The following ARMC9 variants were observed in gnomAD, a reference collection of about 807,000 sequenced individuals.
ARMC9 encodes lisH domain-containing protein ARMC9.
A neutral mutation model predicts 107.0 loss-of-function variants in ARMC9; 94 were observed. That is an observed-to-expected ratio of 0.88 (90% CI 0.74 to 1.04). ARMC9 has a LOEUF of 1.04. Among genes scored for constraint, ARMC9 ranks in the 50% least tolerant of loss-of-function variants. The pLI, the probability that ARMC9 is intolerant of heterozygous loss-of-function variation, is 0.00. For synonymous variants in ARMC9, 380 were observed against 396.9 expected, an observed-to-expected ratio of 0.96 and a Z score of 0.51; for missense variants, 942 against 1,030.1, an observed-to-expected ratio of 0.91 and a Z score of 1.17.
chr2:231,275,367 C>T (rs1202887957), intron 14 of ARMC9, among the ~76,000 whole-genome samples: 1 of 152,180 alleles, frequency 6.6e-6, no homozygotes, highest in Non-Finnish European at 1.5e-5. Flanking sequence ...TCTACTAATC[C>T]AGATGGCATC....
At chr2:231,271,599 T>C (rs1293358247) in intron 13 of ARMC9, among the ~76,000 whole-genome samples, 1 of 152,224 alleles carries the variant, frequency 6.6e-6, no homozygotes, top group African/African-American at 2.4e-5. Context: ...TTCTTATTTA[T>C]TTGAGCTCTT....
chr2:231,306,491 C>T (rs1008908630), intron 19 of ARMC9, among the ~76,000 whole-genome samples: 2 of 152,056 alleles, frequency 1.3e-5, no homozygotes, highest in African/African-American at 4.8e-5. Context: ...CGATACTTTT[C>T]TTAGAATTTG....
At chr2:231,215,239 GT>G (rs1559298385) in intron 4 of ARMC9, 1 of 436,914 alleles carries the variant, frequency 2.3e-6, no homozygotes, top group Non-Finnish European at 3.9e-6. Flanking sequence ...AATACCTCAA[GT>G]TTTTGAAACC....
At chr2:231,371,377 G>C in intron 24 of ARMC9, 136 bp from the exon 25 acceptor site, 1 of 1,080,002 alleles carries the variant, frequency 9.3e-7, no homozygotes, top group South Asian at 1.9e-5. Flanking sequence ...TCGAGCCCAG[G>C]CCACAGAACA....
intron 21 of ARMC9, 31 bp downstream of exon 21, chr2:231,345,121 A>G: frequency 6.2e-7 from 1 of 1,607,500 alleles, no homozygotes; most frequent in South Asian, 1.1e-5. Flanking sequence ...GCGGGAATTG[A>G]CTTTCTTAAG....
intron 5 of ARMC9, among the ~76,000 whole-genome samples, chr2:231,217,647 C>A (rs976690293): frequency 7.2e-5 from 11 of 152,008 alleles, no homozygotes; most frequent in Non-Finnish European, 1.5e-4. Context: ...CATTATCACA[C>A]ACAGAATTGA....
chr2:231,330,564 G>A (rs555427059), intron 19 of ARMC9, among the ~76,000 whole-genome samples: 71 of 152,250 alleles, frequency 4.7e-4, no homozygotes, highest in South Asian at 1.9e-3. Context: ...TGGGGTGGGG[G>A]CCTCCTTACC....
chr2:231,261,269 G>A (rs552360236), intron 11 of ARMC9, among the ~76,000 whole-genome samples: 7 of 152,226 alleles, frequency 4.6e-5, no homozygotes, highest in African/African-American at 9.6e-5. Flanking sequence ...ATGTGCACAC[G>A]CACATACCCG....
At chr2:231,273,673 C>A (rs544713908) in intron 14 of ARMC9, among the ~76,000 whole-genome samples, 3 of 152,282 alleles carry the variant, frequency 2.0e-5, no homozygotes, top group South Asian at 2.1e-4. Flanking sequence ...CCTCAGCCCC[C>A]CAAAGTGCTG....
chr2:231,347,895 G>A (rs956159107), intron 21 of ARMC9, among the ~76,000 whole-genome samples: 23 of 152,260 alleles, frequency 1.5e-4, no homozygotes, highest in Admixed American at 1.5e-3. Context: ...TTATTTTTCT[G>A]TAAGCATTTA....
At chr2:231,341,540 A>G (rs2044499799) in intron 20 of ARMC9, among the ~76,000 whole-genome samples, 1 of 151,812 alleles carries the variant, frequency 6.6e-6, no homozygotes, top group African/African-American at 2.4e-5. Flanking sequence ...CAGGAAGGAG[A>G]GGGTGAATAT....
At chr2:231,237,175 CGTGTGT>C (rs58607252) in intron 8 of ARMC9, among the ~76,000 whole-genome samples, 119 of 148,802 alleles carry the variant, frequency 8.0e-4, no homozygotes, top group Admixed American at 2.6e-3. Context: ...TCTGCGTATG[CGTGTGT>C]GTGTGTGTGT....
At chr2:231,336,983 G>T (rs369503512) in intron 20 of ARMC9, among the ~76,000 whole-genome samples, 1 of 152,196 alleles carries the variant, frequency 6.6e-6, no homozygotes, top group Non-Finnish European at 1.5e-5. Flanking sequence ...TGCTGTACCC[G>T]GTCCTGCTGT....
intron 19 of ARMC9, among the ~76,000 whole-genome samples, chr2:231,323,281 G>GC (rs1453341400): frequency 5.9e-5 from 9 of 152,286 alleles, no homozygotes; most frequent in African/African-American, 2.2e-4. Context: ...GTGCCTCTTG[G>GC]CCTCACCTCT....
Position 231,358,660 on chromosome 2 carries a change from G to A in ARMC9, c.2132-2094G>A, listed in dbSNP as rs2045441364. Among the ~76,000 whole-genome samples the A allele has an allele frequency of 6.6e-6, 1 of 152,148 alleles. No individual in the cohort carries two copies. The highest frequency in any genetic ancestry group is 1.5e-5 in the Non-Finnish European group (1 of 68,032). Reference sequence around the variant, plus strand: ...CCCCCACCTTCACGCTGAGTTTCTTGAGGAAGAGCCTTTGCGCTTTGCGTT... The same window carrying A: ...CCCCCACCTTCACGCTGAGTTTCTTAAGGAAGAGCCTTTGCGCTTTGCGTT... On this transcript the variant is annotated intron_variant, in intron 22 of 24. Transcript: ENST00000611582. The surrounding 1 kb of genome is among the most constrained non-coding windows in gnomAD (Gnocchi z 4.5).
intron 20 of ARMC9, 35 bp downstream of exon 20, chr2:231,331,932 A>G (rs772324650): frequency 1.3e-6 from 2 of 1,533,966 alleles, no homozygotes; most frequent in Admixed American, 3.4e-5. Context: ...ATCCTGAAAC[A>G]GAAAGGCCAG....
chr2:231,229,134 A>C (rs1029105644), intron 7 of ARMC9, among the ~76,000 whole-genome samples: 2 of 151,964 alleles, frequency 1.3e-5, no homozygotes, highest in African/African-American at 4.8e-5. Flanking sequence ...TGGCAAGCAA[A>C]GTGCATCTGT....
chr2:231,258,367 G>A (rs2038030854), intron 10 of ARMC9, among the ~76,000 whole-genome samples: 1 of 151,964 alleles, frequency 6.6e-6, no homozygotes, highest in African/African-American at 2.4e-5. Context: ...TTTTAGTAGA[G>A]ACGGGGTTTC....
chr2:231,216,752 C>G lies in ARMC9; in HGVS notation c.463C>G (p.Pro155Ala), dbSNP rs1260169712. 6.2e-7 allele frequency: 1 copy of G among 1,614,104 alleles called. No individual in the cohort carries two copies. The highest frequency in any genetic ancestry group is 2.2e-5 in the East Asian group (1 of 44,890). The change falls in exon 5 of 25, where the codon CCC (proline) becomes GCC (alanine). Residue 155 changes from proline (P) to alanine (A), a missense_variant. Pro to Ala is a conservative substitution (Grantham distance 27, BLOSUM62 -1). Coordinates refer to ENST00000611582, the MANE Select transcript of ARMC9 (RefSeq NM_001352754.2). Reference sequence around the variant, plus strand: ...TCCTTTCTATGCCCTTCCTTTTGTTCCCAACCCTATGGTGCACCCCTCATT... The same window carrying G: ...TCCTTTCTATGCCCTTCCTTTTGTTGCCAACCCTATGGTGCACCCCTCATT... ...FLPFYALPFV[P>A]NPMVHPSFKE... is the part of the protein sequence containing the mutation.
Sources: gnomAD v4.1 joint callset for allele counts (sites outside exome capture counted in the v4.1 genomes callset) on GRCh38, gnomAD v4.1.1 for gene constraint, Gnocchi (gnomAD v3.1) non-coding constraint, MANE v1.5 for transcripts, NCBI Gene and HGNC (gene_info 2026-07-23, HGNC 2026-07-21) for gene names.